SAXO1: variants seen among roughly 807,000 people sequenced by gnomAD.
SAXO1 encodes stabilizer of axonemal microtubules 1.
A neutral mutation model predicts 17.5 loss-of-function variants in SAXO1; 21 were observed. That is an observed-to-expected ratio of 1.20 (90% CI 0.85 to 1.72). The LOEUF is 1.72. Among genes scored for constraint, SAXO1 ranks in the 40% most tolerant of loss-of-function variants. The pLI is 0.00. For synonymous variants in SAXO1, 274 were observed against 216.5 expected (o/e 1.27, Z -2.33); for missense variants, 843 against 596.0 (o/e 1.41, Z -4.32).
intron 1 of SAXO1, chr9:19,027,022 T>G (rs1305998471): frequency 1.2e-6 from 1 of 844,962 alleles, no homozygotes; most frequent in African/African-American, 1.7e-5. Flanking sequence ...AGTTAACTGT[T>G]GAGAGTCACC....
rs764463090 is a variant in SAXO1 at position 18,928,817 on chromosome 9, A to C, written c.660T>G (p.Phe220Leu). 1 of 1,614,142 alleles carries C rather than the reference A, an allele frequency of 6.2e-7. No individual in the cohort carries two copies. Among genetic ancestry groups the C allele is most frequent in the East Asian group, 2.2e-5 (1 of 44,866 alleles). The part of the protein sequence containing the change: ...SYVAHPVEKR[F>L]VHEAEKFRPC... ...GCCTGAACTTCTCTGCTTCATGCACAAAGCGCTTCTCCACGGGGTGGGCCA... is the reference window on the plus strand; with the variant it reads ...GCCTGAACTTCTCTGCTTCATGCACCAAGCGCTTCTCCACGGGGTGGGCCA... Residue 220 changes from phenylalanine to leucine, a missense_variant, in exon 4 of 4, where the codon TTT becomes TTG. By Grantham distance (22) the Phe-to-Leu change is conservative. Transcript: ENST00000380534.
chr9:18,942,802 G>A (rs925713192), intron 2 of SAXO1, among the ~76,000 whole-genome samples: 1 of 152,186 alleles, frequency 6.6e-6, no homozygotes, highest in Non-Finnish European at 1.5e-5. Flanking sequence ...TGCCCTCCAG[G>A]GCACTCGCAA....
At chr9:19,000,036 G>A (rs1338905879) in intron 1 of SAXO1, among the ~76,000 whole-genome samples, 23 of 135,872 alleles carry the variant, frequency 1.7e-4, no homozygotes, top group Non-Finnish European at 2.7e-4. Context: ...AGTGAGGAGC[G>A]CCTCTGCCCA....
intron 1 of SAXO1, among the ~76,000 whole-genome samples, chr9:18,970,900 G>A (rs1422679814): frequency 2.0e-5 from 3 of 152,264 alleles, no homozygotes; most frequent in East Asian, 1.9e-4. Flanking sequence ...AACTTAGCCC[G>A]AGGTCTCTTA....
intron 1 of SAXO1, among the ~76,000 whole-genome samples, chr9:19,005,151 T>C (rs1266947800): frequency 2.6e-5 from 4 of 152,142 alleles, no homozygotes; most frequent in East Asian, 1.9e-4. Context: ...AATAAATGGA[T>C]AGACACCCCA....
At position 18,928,420 on chromosome 9, in the gene SAXO1, CTG is replaced by C; in HGVS notation, c.1055_1056del (p.Thr352ArgfsTer38). On this transcript the variant is annotated frameshift_variant, in exon 4 of 4. Coordinates refer to ENST00000380534, the MANE Select transcript of SAXO1 (RefSeq NM_153707.4). LOFTEE classifies it low-confidence loss of function (END_TRUNC). ...AGCTGGGGAACGGGCTTGACTGGCT[CTG>C]TGCGCATGCTGGACCACTGCTTGTA... ...DDYKQWSSMR[T>X]EPVKPVPQLD... is the part of the protein sequence containing the mutation. The C allele has an allele frequency of 6.2e-7, 1 of 1,608,914 alleles. No homozygotes were observed. The highest frequency in any genetic ancestry group is 1.1e-5 in the South Asian group (1 of 90,380).
At position 18,928,897 on chromosome 9, in the gene SAXO1, G is replaced by C; in HGVS notation, c.580C>G (p.Pro194Ala). The change falls in exon 4 of 4, where the codon CCA becomes GCA. Residue 194 changes from proline (P) to alanine (A), a missense_variant. By Grantham distance (27) the Pro-to-Ala change is conservative. Transcript: ENST00000380534. The part of the protein sequence containing the change: ...KTISCKPLAM[P>A]KLCNIPLEDV... ...TCCAAGGGGATGTTACAGAGCTTTG[G>C]CATGGCCAGAGGTTTACAGCTTATG... 6.2e-7 allele frequency: 1 copy of C among 1,614,166 alleles called. No homozygotes were observed.
intron 1 of SAXO1, among the ~76,000 whole-genome samples, chr9:19,004,229 A>G (rs1834399866): frequency 6.6e-6 from 1 of 152,224 alleles, no homozygotes. Context: ...AAAAGTCAGG[A>G]AACAACAGTT....
intron 1 of SAXO1, among the ~76,000 whole-genome samples, chr9:19,003,252 A>T (rs1685595719): frequency 6.6e-6 from 1 of 152,236 alleles, no homozygotes; most frequent in South Asian, 2.1e-4. Flanking sequence ...GAGGACACAA[A>T]CAAACGGAAG....
intron 1 of SAXO1, among the ~76,000 whole-genome samples, chr9:18,993,331 T>TC (rs1833884288): frequency 6.7e-6 from 1 of 150,210 alleles, no homozygotes; most frequent in Admixed American, 6.7e-5. Context: ...CCATGTGTTC[T>TC]CATTAAGAAC....
In SAXO1 at chr9:18,930,341, G is replaced by A. The variant is rs1025307339; in HGVS notation, c.422-1286C>T. Among the ~76,000 whole-genome samples the A allele has an allele frequency of 2.6e-5, 4 of 152,160 alleles. No individual in the cohort carries two copies. In the East Asian group the frequency reaches 7.7e-4, roughly 29 times the overall value. ...AATCTGCAGTAGAGATGGCCTCCATGCATCTTGAGGACCAGATACTGTCTT... is the reference window on the plus strand; with the variant it reads ...AATCTGCAGTAGAGATGGCCTCCATACATCTTGAGGACCAGATACTGTCTT... On this transcript the variant is annotated intron_variant, in intron 3 of 3. Coordinates refer to ENST00000380534, the MANE Select transcript of SAXO1 (RefSeq NM_153707.4).
intron 1 of SAXO1, among the ~76,000 whole-genome samples, chr9:19,039,934 G>A (rs1244198990): frequency 6.6e-6 from 1 of 152,094 alleles, no homozygotes; most frequent in African/African-American, 2.4e-5. Flanking sequence ...TCACCATGTT[G>A]GCCAGGCTGG....
chr9:18,944,357 C>A (rs1476968735), intron 2 of SAXO1, among the ~76,000 whole-genome samples: 1 of 152,190 alleles, frequency 6.6e-6, no homozygotes, highest in Non-Finnish European at 1.5e-5. Context: ...AGAACATTCA[C>A]TGAAACCTGT....
In SAXO1 at chr9:18,949,341, C is replaced by T. The variant is rs117608149; in HGVS notation, c.218+1417G>A. ...GGCATGGTGGTCCATGCCTGTAGTC[C>T]CAGCTACTAGGAGACTGAGGGGCAA... is the stretch of plus-strand genomic sequence containing the variant. On this transcript the variant is annotated intron_variant, in intron 2 of 3. Coordinates refer to ENST00000380534, the MANE Select transcript of SAXO1 (RefSeq NM_153707.4). Among the ~76,000 whole-genome samples the T allele has an allele frequency of 3.1e-4, 46 of 150,772 alleles. No individual in the cohort carries two copies. The East Asian group carries it at 8.6e-3, about 28-fold the overall frequency.
intron 1 of SAXO1, among the ~76,000 whole-genome samples, chr9:18,967,263 G>A (rs1192198736): frequency 1.3e-5 from 2 of 152,318 alleles, no homozygotes; most frequent in Admixed American, 1.3e-4. Context: ...CCCTAGCAGA[G>A]CTCGACAGCT....
chr9:18,993,509 C>T (rs1833893427), intron 1 of SAXO1, among the ~76,000 whole-genome samples: 1 of 152,302 alleles, frequency 6.6e-6, no homozygotes, highest in African/African-American at 2.4e-5. Context: ...TGAGAAGGTG[C>T]AGACATGTCC....
chr9:18,986,204 A>C (rs1833587013), intron 1 of SAXO1, among the ~76,000 whole-genome samples: 1 of 152,188 alleles, frequency 6.6e-6, no homozygotes, highest in Non-Finnish European at 1.5e-5. Context: ...ATCCTTCACA[A>C]TGTATCCATT....
At chr9:18,991,629 T>C (rs904287371) in intron 1 of SAXO1, among the ~76,000 whole-genome samples, 2 of 152,156 alleles carry the variant, frequency 1.3e-5, no homozygotes, top group Admixed American at 1.3e-4. Context: ...GATGAGTTAA[T>C]GGGTGAAGCA....
chr9:18,993,169 G>C (rs998260010), intron 1 of SAXO1, among the ~76,000 whole-genome samples: 4 of 151,702 alleles, frequency 2.6e-5, no homozygotes, highest in African/African-American at 9.7e-5. Flanking sequence ...ATGTTACATA[G>C]GTATACACGT....
Sources: gnomAD v4.1 joint callset for allele counts (sites outside exome capture counted in the v4.1 genomes callset) on GRCh38, gnomAD v4.1.1 for gene constraint, MANE v1.5 for transcripts, NCBI Gene and HGNC (gene_info 2026-07-23, HGNC 2026-07-21) for gene names.